Variants in QRICH1 observed in about 807,000 individuals in gnomAD.
QRICH1 encodes the protein transcriptional regulator QRICH1.
Under a neutral mutation model 87.1 loss-of-function variants are expected in QRICH1, and 16 were observed. The ratio of observed to expected loss-of-function variants is 0.18; its 90% CI spans 0.12 to 0.28. The LOEUF (loss-of-function observed/expected upper bound fraction) is 0.28, where lower values mean the gene tolerates loss of function less well. Ranked by LOEUF, QRICH1 falls within the 10% of genes least tolerant of loss-of-function variation. The pLI is 1.00. For missense variants in QRICH1, 647 were observed against 951.7 expected (o/e 0.68, Z 4.21); for synonymous variants, 367 against 368.4 (o/e 1.00, Z 0.05).
At chr3:49,093,843 TG>T in intron 1 of QRICH1, 68 bp downstream of exon 1, 2 of 269,348 alleles carry the variant, frequency 7.4e-6, no homozygotes, top group Non-Finnish European at 1.4e-5. Flanking sequence ...CGCCCGCCGT[TG>T]TGTGGGGTGG....
At chr3:49,055,193 C>A (rs2093394148) in intron 3 of QRICH1, among the ~76,000 whole-genome samples, 1 of 152,170 alleles carries the variant, frequency 6.6e-6, no homozygotes, top group Non-Finnish European at 1.5e-5. Context: ...TATGAAACCA[C>A]CTGGTCAACC....
In QRICH1 at chr3:49,030,397, GAA is replaced by G; in HGVS notation, c.*53_*54del. 6.5e-7 allele frequency: 1 copy of G among 1,546,714 alleles called. No homozygotes were observed. Among genetic ancestry groups the G allele is most frequent in the Non-Finnish European group, 8.8e-7 (1 of 1,130,492 alleles). On this transcript the variant is annotated 3_prime_UTR_variant, in exon 10 of 10. Coordinates refer to ENST00000395443, the MANE Select transcript of QRICH1 (RefSeq NM_198880.3). Reference sequence around the variant, plus strand: ...AAAATGGAGGCCTCTTCTTTAGTGTGAAAGTCTGTCTGGTTTTTCCTGGCTGG... The same window carrying G: ...AAAATGGAGGCCTCTTCTTTAGTGTGAGTCTGTCTGGTTTTTCCTGGCTGG...
intron 2 of QRICH1, among the ~76,000 whole-genome samples, chr3:49,068,915 G>A (rs2093483859): frequency 6.6e-6 from 1 of 151,726 alleles, no homozygotes. Context: ...ACAGGCATGA[G>A]CAACCACACC....
intron 1 of QRICH1, among the ~76,000 whole-genome samples, chr3:49,078,051 C>T (rs1327626012): frequency 2.0e-5 from 3 of 152,152 alleles, no homozygotes; most frequent in East Asian, 1.9e-4. Flanking sequence ...TTCAACAGCC[C>T]GACCTCCAGA....
intron 2 of QRICH1, among the ~76,000 whole-genome samples, chr3:49,068,521 A>G (rs1438137415): frequency 6.6e-6 from 1 of 151,454 alleles, no homozygotes; most frequent in East Asian, 1.9e-4. Flanking sequence ...GCTACTCAGG[A>G]GACTGAAGCA....
intron 1 of QRICH1, among the ~76,000 whole-genome samples, chr3:49,083,039 T>A (rs1411376572): frequency 6.6e-6 from 1 of 151,304 alleles, no homozygotes. Context: ...AACCCCCGTC[T>A]CTACTAAAAA....
chr3:49,041,849 C>T (rs1189869043), intron 6 of QRICH1, among the ~76,000 whole-genome samples: 2 of 151,854 alleles, frequency 1.3e-5, no homozygotes, highest in African/African-American at 4.8e-5. Context: ...AGGATGGTCT[C>T]GATCTCCTGA....
Position 49,056,956 on chromosome 3 carries a change from A to G in QRICH1, c.1244T>C (p.Ile415Thr). 1 of 1,614,118 alleles carries G rather than the reference A, an allele frequency of 6.2e-7. No individual in the cohort carries two copies. The highest frequency in any genetic ancestry group is 8.5e-7 in the Non-Finnish European group (1 of 1,180,028). The change falls in exon 3 of 10, where the codon ATA becomes ACA. Residue 415 changes from isoleucine to threonine, a missense_variant. Physicochemically the swap from Ile to Thr is moderately conservative, Grantham distance 89. Transcript: ENST00000395443. ...TYQNTAQTVHIWDPQQQPQQQ... is the reference protein window; with the variant it reads ...TYQNTAQTVHTWDPQQQPQQQ... Reference sequence around the variant, plus strand: ...CTGCGGCTGCTGTTGGGGGTCCCATATATGGACAGTTTGAGCCGTATTCTG... The same window carrying G: ...CTGCGGCTGCTGTTGGGGGTCCCATGTATGGACAGTTTGAGCCGTATTCTG...
At chr3:49,048,092 T>C (rs187281178) in intron 3 of QRICH1, among the ~76,000 whole-genome samples, 2 of 151,884 alleles carry the variant, frequency 1.3e-5, no homozygotes, top group African/African-American at 4.8e-5. Flanking sequence ...CATATTCTGA[T>C]TGAAAAGGGT....
intron 3 of QRICH1, among the ~76,000 whole-genome samples, chr3:49,053,518 A>G (rs1030435339): frequency 4.6e-5 from 7 of 151,660 alleles, no homozygotes; most frequent in African/African-American, 1.7e-4. Context: ...AGTCTCAACA[A>G]TGGGCTGCTG....
chr3:49,092,071 CAAA>C (rs35876222), intron 1 of QRICH1, among the ~76,000 whole-genome samples: 3 of 99,298 alleles, frequency 3.0e-5, no homozygotes, highest in Non-Finnish European at 4.3e-5. Context: ...GACTCCGTCT[CAAA>C]AAAAAAAAAA....
intron 1 of QRICH1, among the ~76,000 whole-genome samples, chr3:49,083,036 G>A (rs538046358): frequency 6.6e-6 from 1 of 151,324 alleles, no homozygotes; most frequent in South Asian, 2.1e-4. Context: ...GAGAACCCCC[G>A]TCTCTACTAA....
chr3:49,061,777 G>C (rs879573514), intron 2 of QRICH1, among the ~76,000 whole-genome samples: 5 of 152,116 alleles, frequency 3.3e-5, no homozygotes, highest in Admixed American at 2.0e-4. Flanking sequence ...ACTAAACCCA[G>C]GAGGTGGGGG....
chr3:49,044,522 A>C lies in QRICH1; in HGVS notation c.1672-18T>G. The C allele has an allele frequency of 6.5e-7, 1 of 1,531,570 alleles. No homozygotes were observed. Among genetic ancestry groups the C allele is most frequent in the Non-Finnish European group, 9.0e-7 (1 of 1,107,620 alleles). The allele number at this position is 1,531,570 out of a possible 1,614,324, so 94.9% of individuals were successfully genotyped here. On this transcript the variant is annotated intron_variant, in intron 5 of 9. Transcript: ENST00000395443. ...AAAAGATACTAAAAGAAAAACAATT[A>C]ATAGAAGTTATTGGTAGTCTCCTGA...
chr3:49,057,944 T>C lies in QRICH1; in HGVS notation c.310-54A>G, dbSNP rs1298947530. ...GAACCAGGCAGCACTGAAAATCCAG[T>C]ACCCAAGGAAAGAAAGAAAAGAGAT... On this transcript the variant is annotated intron_variant, in intron 2 of 9. Transcript: ENST00000395443. This position sits in a 1 kb window ranked among gnomAD's most constrained non-coding sequence, Gnocchi z 5.4. 2.9e-5 allele frequency: 47 copies of C among 1,612,932 alleles called. No homozygotes were observed. Among genetic ancestry groups the C allele is most frequent in the Non-Finnish European group, 3.9e-5 (46 of 1,179,934 alleles).
intron 2 of QRICH1, among the ~76,000 whole-genome samples, chr3:49,075,691 AGCACTTTG>A (rs199601619): frequency 6.6e-6 from 1 of 152,110 alleles, no homozygotes; most frequent in Non-Finnish European, 1.5e-5. Flanking sequence ...CAGTAATCCC[AGCACTTTG>A]GCACTTTGGG....
At chr3:49,068,671 C>G (rs2093482532) in intron 2 of QRICH1, among the ~76,000 whole-genome samples, 2 of 151,424 alleles carry the variant, frequency 1.3e-5, no homozygotes, top group Admixed American at 6.6e-5. Flanking sequence ...CTCTATTGCC[C>G]AGGCTAGAGT....
intron 5 of QRICH1, 127 bp from the exon 6 acceptor site, chr3:49,044,631 C>G (rs1048211664): frequency 2.0e-4 from 126 of 623,554 alleles, no homozygotes; most frequent in African/African-American, 2.0e-3. Flanking sequence ...CAAACCAAGG[C>G]ACCAGCATGT....
At chr3:49,085,109 C>G (rs1327547666) in intron 1 of QRICH1, among the ~76,000 whole-genome samples, 1 of 151,936 alleles carries the variant, frequency 6.6e-6, no homozygotes, top group Non-Finnish European at 1.5e-5. Context: ...TGCCACTGCA[C>G]TCCAGCCTGG....
Sources: gnomAD v4.1 joint callset for allele counts (sites outside exome capture counted in the v4.1 genomes callset) on GRCh38, gnomAD v4.1.1 for gene constraint, Gnocchi (gnomAD v3.1) non-coding constraint, MANE v1.5 for transcripts, NCBI Gene and HGNC (gene_info 2026-07-23, HGNC 2026-07-21) for gene names.